The following RBFOX1 variants were observed in gnomAD, a reference collection of about 807,000 sequenced individuals.
RBFOX1 encodes RNA binding fox-1 homolog 1, also known as RNA binding protein fox-1 homolog 1.
In RBFOX1, 8 loss-of-function variants were observed where a neutral mutation model predicts 57.7. That is an observed-to-expected ratio of 0.14 (90% CI 0.08 to 0.25). The LOEUF is 0.25. Ranked by LOEUF, RBFOX1 falls within the 10% of genes least tolerant of loss-of-function variation. The probability of loss-of-function intolerance (pLI) is 1.00; values close to 1 mark genes in which losing one functional copy is unlikely to be tolerated. For missense variants in RBFOX1, 611 were observed against 548.5 expected, an observed-to-expected ratio of 1.11 and a Z score of -1.14; for synonymous variants, 326 against 222.4, an observed-to-expected ratio of 1.47 and a Z score of -4.15.
intron 4 of RBFOX1, among the ~76,000 whole-genome samples, chr16:7,447,241 G>A (rs572059424): frequency 6.6e-6 from 1 of 151,876 alleles, no homozygotes; most frequent in South Asian, 2.1e-4. Context: ...AGACCAGCCT[G>A]GCCAACATGG....
At chr16:6,080,060 G>A (rs370254291) in intron 1 of RBFOX1, among the ~76,000 whole-genome samples, 8 of 152,210 alleles carry the variant, frequency 5.3e-5, no homozygotes, top group African/African-American at 1.7e-4. Flanking sequence ...ATTAAGGAAA[G>A]AGAGAAGAGT....
chr16:5,745,169 C>T (rs1242845951), intron 3 of RBFOX1, among the ~76,000 whole-genome samples: 1 of 152,134 alleles, frequency 6.6e-6, no homozygotes, highest in African/African-American at 2.4e-5. Flanking sequence ...TCAATTCCCA[C>T]CTATAAGTGA....
intron 4 of RBFOX1, among the ~76,000 whole-genome samples, chr16:5,874,957 T>G (rs1158628563): frequency 6.6e-6 from 1 of 151,968 alleles, no homozygotes; most frequent in Non-Finnish European, 1.5e-5. Flanking sequence ...CATAAATAAA[T>G]GCATGAATGA....
intron 3 of RBFOX1, among the ~76,000 whole-genome samples, chr16:6,699,251 C>T (rs935794139): frequency 4.0e-5 from 6 of 151,702 alleles, no homozygotes; most frequent in South Asian, 2.1e-4. Context: ...ACTCTCTTCA[C>T]GTTCACTGTT....
rs765406909 is a variant in RBFOX1, at chr16:7,052,093, C to G, written c.22C>G (p.Leu8Val). MNCEREQ[L>V]RGNQEAAAAP... Reference sequence around the variant, plus strand: ...ACAGATGAATTGTGAAAGAGAGCAGCTAAGGGTAGGTGCACCTGCTTGTAA... The same window carrying G: ...ACAGATGAATTGTGAAAGAGAGCAGGTAAGGGTAGGTGCACCTGCTTGTAA... The change falls in exon 4 of 16, where the codon CTA becomes GTA. Residue 8 changes from leucine to valine, a missense_variant. Coordinates refer to ENST00000550418, the MANE Select transcript of RBFOX1 (RefSeq NM_018723.4). 6 of 1,609,338 alleles carry G rather than the reference C, an allele frequency of 3.7e-6. No individual in the cohort carries two copies. The highest frequency in any genetic ancestry group is 1.7e-5 in the Admixed American group (1 of 59,168).
intron 3 of RBFOX1, among the ~76,000 whole-genome samples, chr16:6,938,973 C>T (rs1316897828): frequency 6.6e-6 from 1 of 152,030 alleles, no homozygotes; most frequent in African/African-American, 2.4e-5. Context: ...GGAGATTTTG[C>T]CCAGGAATGC....
intron 4 of RBFOX1, among the ~76,000 whole-genome samples, chr16:7,371,059 C>G (rs953561717): frequency 6.6e-6 from 1 of 152,134 alleles, no homozygotes; most frequent in Non-Finnish European, 1.5e-5. Context: ...GTTCTCCTCT[C>G]CTCTAAGCAC....
chr16:6,765,676 C>G (rs1435954256), intron 3 of RBFOX1, among the ~76,000 whole-genome samples: 1 of 152,096 alleles, frequency 6.6e-6, no homozygotes, highest in Non-Finnish European at 1.5e-5. Flanking sequence ...AGGAAAGATG[C>G]CTGCTTGCAT....
chr16:6,564,925 G>C (rs1362081968), intron 2 of RBFOX1, among the ~76,000 whole-genome samples: 2 of 152,056 alleles, frequency 1.3e-5, no homozygotes, highest in Non-Finnish European at 2.9e-5. Flanking sequence ...AGGATCACTT[G>C]AGGTCAGGAG....
chr16:6,510,948 A>C (rs1479253691), intron 2 of RBFOX1, among the ~76,000 whole-genome samples: 1 of 152,084 alleles, frequency 6.6e-6, no homozygotes, highest in Non-Finnish European at 1.5e-5. Context: ...AGTGGATTTG[A>C]AATGTGGTGT....
At chr16:6,957,789 T>C (rs185059620) in intron 3 of RBFOX1, among the ~76,000 whole-genome samples, 19 of 152,244 alleles carry the variant, frequency 1.2e-4, no homozygotes, top group Admixed American at 3.3e-4. Flanking sequence ...CTGGGATACC[T>C]TAGGGAAAGC....
At chr16:6,357,246 C>T (rs569257508) in intron 2 of RBFOX1, among the ~76,000 whole-genome samples, 8 of 152,094 alleles carry the variant, frequency 5.3e-5, no homozygotes, top group African/African-American at 1.7e-4. Flanking sequence ...GAGTCTGGGT[C>T]CCTGAGCAAA....
At chr16:5,687,929 T>C (rs1445907528) in intron 3 of RBFOX1, among the ~76,000 whole-genome samples, 2 of 152,216 alleles carry the variant, frequency 1.3e-5, no homozygotes, top group African/African-American at 2.4e-5. Context: ...GGAAATAGAA[T>C]GTATACTGGG....
At chr16:6,247,444 G>A (rs1426183961) in intron 1 of RBFOX1, among the ~76,000 whole-genome samples, 1 of 152,162 alleles carries the variant, frequency 6.6e-6, no homozygotes, top group Non-Finnish European at 1.5e-5. Context: ...CAGAAGATTA[G>A]GGAGAGGCAG....
intron 2 of RBFOX1, among the ~76,000 whole-genome samples, chr16:5,499,175 C>G (rs2043104281): frequency 6.6e-6 from 1 of 152,206 alleles, no homozygotes; most frequent in Admixed American, 6.5e-5. Flanking sequence ...TAGAAACTGG[C>G]TATATTTCAT....
chr16:6,747,178 G>C (rs551139989), intron 3 of RBFOX1, among the ~76,000 whole-genome samples: 1 of 152,280 alleles, frequency 6.6e-6, no homozygotes, highest in East Asian at 1.9e-4. Context: ...GGGAGACTGA[G>C]ACGGTCAGAT....
At position 6,988,738 on chromosome 16, in the gene RBFOX1, TTTTTG is replaced by T. The variant is rs1324400100; in HGVS notation, c.-15-63315_-15-63311del. Among the ~76,000 whole-genome samples, 15 of 68,266 alleles carry T rather than the reference TTTTTG, an allele frequency of 2.2e-4. 1 individual carries two copies. The highest frequency in any genetic ancestry group is 1.0e-3 in the African/African-American group (13 of 12,728). The allele number at this position is 68,266 out of a possible 152,430, so 44.8% of individuals were successfully genotyped here. A position where few individuals can be genotyped will look rare whatever the true frequency, so the allele number is the denominator to read the frequency against. On this transcript the variant is annotated intron_variant, in intron 3 of 15. Transcript: ENST00000550418. ...TGACATCACACCCAGCTAATTTTTT[TTTTTG>T]TTTGTTTGTTTTTTGTTTTTTGTTT...
chr16:5,711,446 G>A (rs1203764088), intron 3 of RBFOX1, among the ~76,000 whole-genome samples: 1 of 152,302 alleles, frequency 6.6e-6, no homozygotes, highest in East Asian at 1.9e-4. Context: ...ATACACTGGA[G>A]AACTTTTTCT....
chr16:6,723,091 G>A (rs748079506), intron 3 of RBFOX1, among the ~76,000 whole-genome samples: 3 of 152,196 alleles, frequency 2.0e-5, no homozygotes, highest in Non-Finnish European at 2.9e-5. Flanking sequence ...GAGTGGTGAT[G>A]TGGACACCAG....
Sources: allele counts gnomAD v4.1 joint callset (sites outside exome capture counted in the v4.1 genomes callset), GRCh38; gene constraint gnomAD v4.1.1; transcripts MANE v1.5; gene names NCBI Gene and HGNC (gene_info 2026-07-23, HGNC 2026-07-21).